FBN1: variants seen among roughly 807,000 people sequenced by gnomAD.
The protein encoded by FBN1 is fibrillin-1.
A neutral mutation model predicts 365.1 loss-of-function variants in FBN1; 29 were observed. That is an observed-to-expected ratio of 0.08 (90% CI 0.06 to 0.11). The LOEUF (loss-of-function observed/expected upper bound fraction) is 0.11. Among genes scored for constraint, FBN1 ranks in the 10% least tolerant of loss-of-function variants. FBN1 has a pLI of 1.00. For missense variants in FBN1, 2,476 were observed against 3,703.2 expected (o/e 0.67, Z 8.60); for synonymous variants, 1,210 against 1,270.5 (o/e 0.95, Z 1.01).
Position 48,492,924 on chromosome 15 carries a change from T to C in FBN1, c.2729-338A>G, listed in dbSNP as rs1025796827. Reference sequence around the variant, plus strand: ...ATATAATTTGCTTTATGAGACCAGATGTCTGGAAATGAGTAGAGAAGCAAA... The same window carrying C: ...ATATAATTTGCTTTATGAGACCAGACGTCTGGAAATGAGTAGAGAAGCAAA... On this transcript the variant is annotated intron_variant, in intron 23 of 65. Transcript: ENST00000316623. Among the ~76,000 whole-genome samples the C allele has an allele frequency of 2.6e-5, 4 of 152,334 alleles. No homozygotes were observed. In the East Asian group the frequency reaches 5.8e-4, roughly 22 times the overall value.
chr15:48,575,460 G>C (rs941058370), intron 6 of FBN1, among the ~76,000 whole-genome samples: 1 of 152,098 alleles, frequency 6.6e-6, no homozygotes, highest in Non-Finnish European at 1.5e-5. Context: ...TGTGAGCATT[G>C]TACCCAATAG....
Position 48,430,662 on chromosome 15 carries a change from T to A in FBN1, c.6871+9A>T. On this transcript the variant is annotated intron_variant, in intron 56 of 65. Coordinates refer to ENST00000316623, the MANE Select transcript of FBN1 (RefSeq NM_000138.5). The stretch of plus-strand genomic sequence containing the variant: ...GCACTCAAAGCTCCTTCCACAGGGA[T>A]CCTCTTACCTACACAGCCTTCTCCA... 6.2e-7 allele frequency: 1 copy of A among 1,613,488 alleles called. No individual in the cohort carries two copies. The highest frequency in any genetic ancestry group is 8.5e-7 in the Non-Finnish European group (1 of 1,179,732).
chr15:48,523,710 T>TGGGG (rs537924722), intron 9 of FBN1, among the ~76,000 whole-genome samples: 4 of 81,692 alleles, frequency 4.9e-5, no homozygotes, highest in African/African-American at 2.4e-4. Context: ...CAAGGGTGGC[T>TGGGG]GGGGGGGGGG....
chr15:48,417,448 T>TTTCC (rs112725437), intron 63 of FBN1, among the ~76,000 whole-genome samples: 15,343 of 91,368 alleles, frequency 0.17, 1,879 homozygotes, highest in African/African-American at 0.35. Flanking sequence ...CCCTCCCTCC[T>TTTCC]TTCCTTCCTT....
rs149244699 is a variant in FBN1, at chr15:48,518,480, C to T, written c.1148-2118G>A. Among the ~76,000 whole-genome samples the T allele has an allele frequency of 1.9e-3, 291 of 152,274 alleles. 3 individuals are homozygous for T. The highest frequency in any genetic ancestry group is 6.7e-3 in the African/African-American group (280 of 41,546). ...ACCAATTCGGCCTTTCTTTTTAAGA[C>T]TTTTTGAATTTATATAAAAGAAATT... On this transcript the variant is annotated intron_variant, in intron 10 of 65. Coordinates refer to ENST00000316623, the MANE Select transcript of FBN1 (RefSeq NM_000138.5).
At chr15:48,636,398 G>A (rs567503741) in intron 2 of FBN1, among the ~76,000 whole-genome samples, 5 of 152,238 alleles carry the variant, frequency 3.3e-5, no homozygotes, top group Admixed American at 2.0e-4. Context: ...CCAGCCCTTC[G>A]AGTTAGCCTA....
At chr15:48,612,909 G>C in intron 3 of FBN1, 101 bp downstream of exon 3, 1 of 871,110 alleles carries the variant, frequency 1.1e-6, no homozygotes, top group Non-Finnish European at 2.0e-6. Context: ...ACTATCAACA[G>C]ATTAATAGTA....
intron 6 of FBN1, among the ~76,000 whole-genome samples, chr15:48,543,826 G>A (rs1054777040): frequency 6.6e-5 from 10 of 152,182 alleles, no homozygotes; most frequent in African/African-American, 2.4e-4. Flanking sequence ...TTTTCTAGGT[G>A]TGATAACGGT....
At chr15:48,447,322 T>C (rs1041863529) in intron 46 of FBN1, among the ~76,000 whole-genome samples, 2 of 152,100 alleles carry the variant, frequency 1.3e-5, no homozygotes, top group African/African-American at 4.8e-5. Flanking sequence ...TCAGACAACT[T>C]TTCCTTTTTC....
chr15:48,416,721 A>G (rs1314105702), intron 63 of FBN1: 2 of 152,236 alleles, frequency 1.3e-5, no homozygotes, highest in Admixed American at 1.3e-4. Context: ...AGTCTCTAAT[A>G]TATTTTTGTA....
intron 6 of FBN1, among the ~76,000 whole-genome samples, chr15:48,540,745 T>C (rs544106343): frequency 6.6e-6 from 1 of 152,282 alleles, no homozygotes; most frequent in Non-Finnish European, 1.5e-5. Flanking sequence ...AGAAAGAGAA[T>C]TTAGGCTTGT....
chr15:48,566,338 A>G (rs2044258568), intron 6 of FBN1, among the ~76,000 whole-genome samples: 1 of 152,226 alleles, frequency 6.6e-6, no homozygotes, highest in Non-Finnish European at 1.5e-5. Flanking sequence ...GAAGCCTTTC[A>G]GCTATTTTGT....
intron 12 of FBN1, among the ~76,000 whole-genome samples, chr15:48,514,992 T>C (rs2043788974): frequency 6.6e-6 from 1 of 152,122 alleles, no homozygotes; most frequent in African/African-American, 2.4e-5. Flanking sequence ...GGTGGCCAAA[T>C]GCAGTCACAA....
At position 48,499,813 on chromosome 15, in the gene FBN1, T is replaced by C. The variant is rs111554137; in HGVS notation, c.2114-775A>G. Among the ~76,000 whole-genome samples, 972 of 152,336 alleles carry C rather than the reference T, an allele frequency of 6.4e-3. 5 individuals are homozygous for C. Among genetic ancestry groups the C allele is most frequent in the Non-Finnish European group, 0.011 (721 of 68,030 alleles). ...ACACTATCCAAGGAAAGGAAACTAG[T>C]GTCCCCTTAAGTTGCCAATGGTTTC... On this transcript the variant is annotated intron_variant, in intron 17 of 65. Coordinates refer to ENST00000316623, the MANE Select transcript of FBN1 (RefSeq NM_000138.5).
chr15:48,515,592 T>C, intron 11 of FBN1, 65 bp from the exon 12 acceptor site: 1 of 1,582,906 alleles, frequency 6.3e-7, no homozygotes, highest in Middle Eastern at 1.7e-4. Context: ...GTACTTAATC[T>C]GACAATAATG....
intron 6 of FBN1, among the ~76,000 whole-genome samples, chr15:48,568,355 G>A (rs2044277533): frequency 6.6e-6 from 1 of 152,028 alleles, no homozygotes; most frequent in Non-Finnish European, 1.5e-5. Context: ...GCCAAGATAA[G>A]TCGAAAAATC....
Position 48,504,069 on chromosome 15 carries a change from G to A in FBN1, c.1961-130C>T, listed in dbSNP as rs754957011. 70 of 1,107,258 alleles carry A rather than the reference G, an allele frequency of 6.3e-5. 1 individual carries two copies. Among genetic ancestry groups the A allele is most frequent in the Non-Finnish European group, 8.0e-5 (60 of 747,526 alleles). The allele number at this position is 1,107,258 out of a possible 1,614,324, so 68.6% of individuals were successfully genotyped here. A position where few individuals can be genotyped will look rare whatever the true frequency, so the allele number is the denominator to read the frequency against. ...ACTCACAGGGAATGCCTCTGATATCGGGGCTCCATTTGAAGAAAAAATAAA... is the reference window on the plus strand; with the variant it reads ...ACTCACAGGGAATGCCTCTGATATCAGGGCTCCATTTGAAGAAAAAATAAA... On this transcript the variant is annotated intron_variant, in intron 16 of 65. Transcript: ENST00000316623.
At chr15:48,629,149 CACTGCTTCCTTCAT>C (rs1469653420) in intron 2 of FBN1, among the ~76,000 whole-genome samples, 1 of 152,208 alleles carries the variant, frequency 6.6e-6, no homozygotes, top group Admixed American at 6.5e-5. Flanking sequence ...TAAACCATCT[CACTGCTTCCTTCAT>C]CGAGAAAGTC....
chr15:48,560,544 C>A (rs1163948242), intron 6 of FBN1, among the ~76,000 whole-genome samples: 1 of 152,094 alleles, frequency 6.6e-6, no homozygotes, highest in African/African-American at 2.4e-5. Flanking sequence ...TAGTTAGGTG[C>A]AGAGTTTGTG....
Sources: gnomAD v4.1 joint callset for allele counts (sites outside exome capture counted in the v4.1 genomes callset) on GRCh38, gnomAD v4.1.1 for gene constraint, MANE v1.5 for transcripts, NCBI Gene and HGNC (gene_info 2026-07-23, HGNC 2026-07-21) for gene names.